Variants in NLN observed in about 807,000 individuals in gnomAD.
NLN encodes neurolysin.
In NLN, 64 loss-of-function variants were observed where a neutral mutation model predicts 79.9. The observed-to-expected ratio is 0.80, with a 90% CI of 0.65 to 0.99. The LOEUF (loss-of-function observed/expected upper bound fraction) is 0.99, where lower values mean the gene tolerates loss of function less well. Ranked by LOEUF, NLN falls within the 50% of genes least tolerant of loss-of-function variation. The probability of loss-of-function intolerance (pLI) is 0.00; values close to 1 mark genes in which losing one functional copy is unlikely to be tolerated. For missense variants in NLN, 835 were observed against 858.7 expected (o/e 0.97, Z 0.34); for synonymous variants, 267 against 296.6 (o/e 0.90, Z 1.02).
intron 1 of NLN, among the ~76,000 whole-genome samples, chr5:65,729,429 C>T (rs1238958525): frequency 7.3e-6 from 1 of 136,508 alleles, no homozygotes; most frequent in African/African-American, 2.8e-5. Context: ...GGCTGGAGTG[C>T]AGTGGCACGA....
chr5:65,739,441 A>C (rs1561180732), intron 1 of NLN, among the ~76,000 whole-genome samples: 1 of 152,128 alleles, frequency 6.6e-6, no homozygotes, highest in Non-Finnish European at 1.5e-5. Flanking sequence ...AGTTGATTCT[A>C]TGTCTTGTCT....
At chr5:65,811,394 A>G (rs1760541384) in intron 11 of NLN, among the ~76,000 whole-genome samples, 1 of 152,162 alleles carries the variant, frequency 6.6e-6, no homozygotes, top group Non-Finnish European at 1.5e-5. Context: ...GGACATTTTT[A>G]GGCCTGGCAT....
intron 2 of NLN, among the ~76,000 whole-genome samples, chr5:65,759,101 T>C (rs1759284995): frequency 6.6e-6 from 1 of 152,184 alleles, no homozygotes; most frequent in African/African-American, 2.4e-5. Context: ...ACCTAGACAT[T>C]TATTCTAAGA....
chr5:65,808,937 C>T (rs554298234), intron 9 of NLN, among the ~76,000 whole-genome samples: 3 of 152,174 alleles, frequency 2.0e-5, no homozygotes, highest in African/African-American at 4.8e-5. Context: ...TGCAAAGCAT[C>T]GCACACTCAA....
intron 6 of NLN, among the ~76,000 whole-genome samples, chr5:65,785,168 C>A (rs1032082301): frequency 6.6e-6 from 1 of 152,094 alleles, no homozygotes; most frequent in Non-Finnish European, 1.5e-5. Flanking sequence ...TCTCTGCTTT[C>A]AATTATCTTT....
chr5:65,757,224 A>G lies in NLN; in HGVS notation c.42-1343A>G, dbSNP rs145520086. 2.0e-5 allele frequency among the ~76,000 whole-genome samples: 3 copies of G among 152,268 alleles called. No homozygotes were observed. In the East Asian group the frequency reaches 5.8e-4, roughly 29 times the overall value. On this transcript the variant is annotated intron_variant, in intron 1 of 12. Coordinates refer to ENST00000380985, the MANE Select transcript of NLN (RefSeq NM_020726.5). ...GTCACTTAGTCTTTCTGAGGCTTCA[A>G]TTGCTTTATTAGAAGAGAATACAGT...
At position 65,734,342 on chromosome 5, in the gene NLN, C is replaced by T. The variant is rs146953005; in HGVS notation, c.41+11928C>T. 5.2e-4 allele frequency among the ~76,000 whole-genome samples: 71 copies of T among 137,460 alleles called. 7 individuals are homozygous for T. In the East Asian group the frequency reaches 0.013, roughly 26 times the overall value. The allele number at this position is 137,460 out of a possible 152,430, so 90.2% of individuals were successfully genotyped here. A position where few individuals can be genotyped will look rare whatever the true frequency, so the allele number is the denominator to read the frequency against. On this transcript the variant is annotated intron_variant, in intron 1 of 12. Transcript: ENST00000380985. Reference sequence around the variant, plus strand: ...AGCACACGGTCATGTGTTTCAGGCACGTGCTGACTGTGAGTGGAAAAACAA... The same window carrying T: ...AGCACACGGTCATGTGTTTCAGGCATGTGCTGACTGTGAGTGGAAAAACAA...
chr5:65,746,581 G>A (rs538008862), intron 1 of NLN, among the ~76,000 whole-genome samples: 12 of 152,286 alleles, frequency 7.9e-5, no homozygotes, highest in South Asian at 4.1e-4. Context: ...AGGATGAAGG[G>A]AAAGGAAGAA....
intron 3 of NLN, among the ~76,000 whole-genome samples, chr5:65,769,086 C>T (rs532199837): frequency 1.4e-4 from 21 of 152,132 alleles, no homozygotes; most frequent in Non-Finnish European, 2.6e-4. Context: ...ATGAGTGTTC[C>T]GGCAAGGCAC....
chr5:65,788,112 T>C lies in NLN; in HGVS notation c.959-6T>C. 1 of 1,608,586 alleles carries C rather than the reference T, an allele frequency of 6.2e-7. No individual in the cohort carries two copies. The highest frequency in any genetic ancestry group is 8.5e-7 in the Non-Finnish European group (1 of 1,177,976). On this transcript the variant is annotated splice_region_variant and splice_polypyrimidine_tract_variant and intron_variant, in intron 7 of 12. Coordinates refer to ENST00000380985, the MANE Select transcript of NLN (RefSeq NM_020726.5). ...GTAGATCACTAACTTTTCCTTTTCC[T>C]TACAGATGATTTAAGCCAGAAGTTA...
At chr5:65,749,608 T>C (rs557614124) in intron 1 of NLN, among the ~76,000 whole-genome samples, 2 of 152,306 alleles carry the variant, frequency 1.3e-5, no homozygotes, top group South Asian at 4.1e-4. Flanking sequence ...TGCTGAACTT[T>C]TGGAACAGTG....
At position 65,724,543 on chromosome 5, in the gene NLN, T is replaced by C. The variant is rs114066230; in HGVS notation, c.41+2129T>C. Among the ~76,000 whole-genome samples, 644 of 152,312 alleles carry C rather than the reference T, an allele frequency of 4.2e-3. 2 individuals are homozygous for C. Among genetic ancestry groups the C allele is most frequent in the African/African-American group, 0.013 (558 of 41,572 alleles). The stretch of plus-strand genomic sequence containing the variant: ...GCTATTGTGAATACTACTACTATGA[T>C]CATTAATGTGCACATGTCTGTTTGA... On this transcript the variant is annotated intron_variant, in intron 1 of 12. Coordinates refer to ENST00000380985, the MANE Select transcript of NLN (RefSeq NM_020726.5).
intron 6 of NLN, among the ~76,000 whole-genome samples, chr5:65,784,761 C>T (rs977849263): frequency 2.6e-5 from 4 of 152,150 alleles, no homozygotes; most frequent in Admixed American, 6.5e-5. Context: ...CAGCCATCAC[C>T]TGTATCCACC....
At chr5:65,804,632 C>T (rs1234008916) in intron 9 of NLN, among the ~76,000 whole-genome samples, 1 of 152,120 alleles carries the variant, frequency 6.6e-6, no homozygotes, top group Admixed American at 6.5e-5. Context: ...TGGGTTCAAG[C>T]AATCTCCTGT....
chr5:65,822,282 CCTT>C (rs1760820230), intron 12 of NLN, among the ~76,000 whole-genome samples: 1 of 152,342 alleles, frequency 6.6e-6, no homozygotes. Flanking sequence ...CACGTACAGC[CCTT>C]CTTCTCTCAT....
At chr5:65,778,716 A>G (rs188650017) in intron 4 of NLN, among the ~76,000 whole-genome samples, 90 of 152,292 alleles carry the variant, frequency 5.9e-4, no homozygotes, top group African/African-American at 1.9e-3. Context: ...TCATTGGCCA[A>G]CTGATTTTTC....
In NLN at chr5:65,723,814, C is replaced by CAAAAA. The variant is rs760572199; in HGVS notation, c.41+1418_41+1422dup. 1.4e-3 allele frequency among the ~76,000 whole-genome samples: 76 copies of CAAAAA among 55,270 alleles called. 1 individual carries two copies. Among genetic ancestry groups the CAAAAA allele is most frequent in the East Asian group, 3.0e-3 (5 of 1,666 alleles). The allele number at this position is 55,270 out of a possible 152,430, so 36.3% of individuals were successfully genotyped here. On this transcript the variant is annotated intron_variant, in intron 1 of 12. Coordinates refer to ENST00000380985, the MANE Select transcript of NLN (RefSeq NM_020726.5). ...TGGGCGACAGAGCAAGACTCCGTCT[C>CAAAAA]AAAAAAAAAAAAAAAAAAAAAAGAA...
Position 65,777,415 on chromosome 5 carries a change from CT to C in NLN, c.451-9del. On this transcript the variant is annotated splice_polypyrimidine_tract_variant and intron_variant, in intron 3 of 12. Coordinates refer to ENST00000380985, the MANE Select transcript of NLN (RefSeq NM_020726.5). ...TTTCAACCGAAATGGTTTTCATGCT[CT>C]TTAATTTCAGGAAACCTGTGATCTG... 6.4e-7 allele frequency: 1 copy of C among 1,561,066 alleles called. No homozygotes were observed. Among genetic ancestry groups the C allele is most frequent in the Non-Finnish European group, 8.8e-7 (1 of 1,132,740 alleles).
chr5:65,762,694 C>A (rs1250533697), intron 2 of NLN, among the ~76,000 whole-genome samples: 4 of 130,652 alleles, frequency 3.1e-5, no homozygotes, highest in African/African-American at 1.0e-4. Context: ...CAAAGCAAGA[C>A]CCTGTCTCAA....
Sources: gnomAD v4.1 joint callset for allele counts (sites outside exome capture counted in the v4.1 genomes callset) on GRCh38, gnomAD v4.1.1 for gene constraint, MANE v1.5 for transcripts, NCBI Gene and HGNC (gene_info 2026-07-23, HGNC 2026-07-21) for gene names.